The following TLR9 variants were observed in gnomAD, a reference collection of about 807,000 sequenced individuals.
The protein encoded by TLR9 is toll like receptor 9, also known as toll-like receptor 9.
TLR9 carries 19 observed loss-of-function variants against 24.6 expected under a neutral mutation model. The ratio of observed to expected loss-of-function variants is 0.77; its 90% CI spans 0.54 to 1.13. The LOEUF (loss-of-function observed/expected upper bound fraction) is 1.13. Among genes scored for constraint, TLR9 ranks in the 50% most tolerant of loss-of-function variants. The probability of loss-of-function intolerance (pLI) is 0.00; values close to 1 mark genes in which losing one functional copy is unlikely to be tolerated. For synonymous variants in TLR9, 579 were observed against 609.8 expected (o/e 0.95, Z 0.74); for missense variants, 1,065 against 1,379.6 (o/e 0.77, Z 3.61).
chr3:52,224,301 G>A lies in TLR9; in HGVS notation c.15C>T (p.Arg5=). Residue 5 remains arginine (R), a synonymous_variant, in exon 2 of 2, where the codon CGC becomes CGT. Coordinates refer to ENST00000360658, the MANE Select transcript of TLR9 (RefSeq NM_017442.4). ...GGAGAGACAGCGGGTGCAGGGCGCT[G>A]CGGCAGAAACCCTGTGGGGGTGGGA... MGFC[R]SALHPLSLLV... The A allele has an allele frequency of 6.3e-7, 1 of 1,581,444 alleles. No homozygotes were observed. Among genetic ancestry groups the A allele is most frequent in the Non-Finnish European group, 8.6e-7 (1 of 1,164,054 alleles).
rs1263799399 is a variant in TLR9 at position 52,221,595 on chromosome 3, G to A, written c.2721C>T (p.Cys907=). Reference sequence around the variant, plus strand: ...CAGGCAGCCAGTCGCGTTCCTCCAGGCACAGGCGGAGTGCCCAGCGCCCAC... The same window carrying A: ...CAGGCAGCCAGTCGCGTTCCTCCAGACACAGGCGGAGTGCCCAGCGCCCAC... The part of the protein sequence containing the change: ...ECRGRWALRL[C]LEERDWLPGK... The change falls in exon 2 of 2, where the codon TGC becomes TGT. Residue 907 remains cysteine, a synonymous_variant. Transcript: ENST00000360658. The surrounding 1 kb of genome is among the most constrained non-coding windows in gnomAD (Gnocchi z 9.9). 1.2e-6 allele frequency: 2 copies of A among 1,613,096 alleles called. No homozygotes were observed. Among genetic ancestry groups the A allele is most frequent in the East Asian group, 2.2e-5 (1 of 44,890 alleles).
Position 52,223,142 on chromosome 3 carries a change from T to C in TLR9, c.1174A>G (p.Met392Val), listed in dbSNP as rs1339105704. The C allele has an allele frequency of 1.2e-6, 2 of 1,613,980 alleles. No homozygotes were observed. The highest frequency in any genetic ancestry group is 1.7e-6 in the Non-Finnish European group (2 of 1,179,966). ...TTLRPLARLP[M>V]LQTLRLQMNF... ...ATCTGCAGACGCAGAGTCTGGAGCA[T>C]GGGCAGGCGGGCCAGTGGCCGGAGC... Residue 392 changes from methionine (M) to valine (V), a missense_variant, in exon 2 of 2, where the codon ATG (methionine) becomes GTG (valine). By Grantham distance (21) the Met-to-Val change is conservative. Coordinates refer to ENST00000360658, the MANE Select transcript of TLR9 (RefSeq NM_017442.4).
At position 52,221,943 on chromosome 3, in the gene TLR9, G is replaced by A; in HGVS notation, c.2373C>T (p.Gly791=). The A allele has an allele frequency of 1.9e-6, 3 of 1,612,104 alleles. No individual in the cohort carries two copies. Among genetic ancestry groups the A allele is most frequent in the Non-Finnish European group, 2.5e-6 (3 of 1,179,188 alleles). ...TGAGGCCCTGGAGCTGGCCCGGACTGCCACACTTCACCCGGCTGGGCAGAC... is the reference window on the plus strand; with the variant it reads ...TGAGGCCCTGGAGCTGGCCCGGACTACCACACTTCACCCGGCTGGGCAGAC... The part of the protein sequence containing the change: ...VPGLPSRVKC[G]SPGQLQGLSI... The change falls in exon 2 of 2, where the codon GGC becomes GGT. Residue 791 remains glycine, a synonymous_variant. Transcript: ENST00000360658. The surrounding 1 kb of genome is among the most constrained non-coding windows in gnomAD (Gnocchi z 9.9).
Position 52,223,800 on chromosome 3 carries a change from T to C in TLR9, c.516A>G (p.Leu172=), listed in dbSNP as rs748433400. ...TGTAATAACAGTTGCCGTCCATGAA[T>C]AGGAAGCGCAGGGCATGCAGGCCGG... ...SLAGLHALRF[L]FMDGNCYYKN... The change falls in exon 2 of 2, where the codon CTA becomes CTG. Residue 172 remains leucine (L), a synonymous_variant. Coordinates refer to ENST00000360658, the MANE Select transcript of TLR9 (RefSeq NM_017442.4). 13 of 1,592,694 alleles carry C rather than the reference T, an allele frequency of 8.2e-6. No individual in the cohort carries two copies. The highest frequency in any genetic ancestry group is 1.1e-5 in the Non-Finnish European group (13 of 1,168,174).
chr3:52,222,446 A>G lies in TLR9; in HGVS notation c.1870T>C (p.Phe624Leu). ...CAGATCAAACCGCTCAGGCCTTGGA[A>G]GAAGTGCAGATAGAGGTCTCCCTCG... The part of the protein sequence containing the change: ...WAEGDLYLHF[F>L]QGLSGLIWLD... Residue 624 changes from phenylalanine to leucine, a missense_variant, in exon 2 of 2, where the codon TTC (phenylalanine) becomes CTC (leucine). Phe to Leu is a conservative substitution (Grantham distance 22, BLOSUM62 0). Transcript: ENST00000360658. 1 of 1,614,206 alleles carries G rather than the reference A, an allele frequency of 6.2e-7. No individual in the cohort carries two copies. Among genetic ancestry groups the G allele is most frequent in the Non-Finnish European group, 8.5e-7 (1 of 1,180,046 alleles).
At position 52,222,315 on chromosome 3, in the gene TLR9, G is replaced by T. The variant is rs200974209; in HGVS notation, c.2001C>A (p.Phe667Leu). 86 of 1,614,218 alleles carry T rather than the reference G, an allele frequency of 5.3e-5. No individual in the cohort carries two copies. The highest frequency in any genetic ancestry group is 4.9e-4 in the East Asian group (22 of 44,884). ...VLRLRDNYLA[F>L]FKWWSLHFLP... ...GGAAGTGGAGGCTCCACCACTTAAA[G>T]AAGGCCAGGTAATTGTCACGGAGAC... Residue 667 changes from phenylalanine (F) to leucine (L), a missense_variant, in exon 2 of 2, where the codon TTC (phenylalanine) becomes TTA (leucine). Coordinates refer to ENST00000360658, the MANE Select transcript of TLR9 (RefSeq NM_017442.4).
At position 52,223,007 on chromosome 3, in the gene TLR9, T is replaced by C. The variant is rs751720030; in HGVS notation, c.1309A>G (p.Met437Val). 6.3e-7 allele frequency: 1 copy of C among 1,589,298 alleles called. No individual in the cohort carries two copies. The highest frequency in any genetic ancestry group is 1.1e-5 in the South Asian group (1 of 87,208). ...TTCTCCCCTCCATCTGCCTCCCCCA[T>C]GGTGGCTGTCAGCTCCGAAGCTCCG... is the stretch of plus-strand genomic sequence containing the variant. ...ISGASELTAT[M>V]GEADGGEKVW... The change falls in exon 2 of 2, where the codon ATG becomes GTG. Residue 437 changes from methionine to valine, a missense_variant. Met to Val is a conservative substitution (Grantham distance 21). Transcript: ENST00000360658.
Position 52,225,508 on chromosome 3 carries a change from C to A in TLR9, c.3+19G>T. On this transcript the variant is annotated intron_variant, in intron 1 of 1. Coordinates refer to ENST00000360658, the MANE Select transcript of TLR9 (RefSeq NM_017442.4). ...CCAGGATATCCCCTTCCCCAGGGGA[C>A]TGAGAGCTGTTGTCCTACCATGCTG... 1 of 1,593,736 alleles carries A rather than the reference C, an allele frequency of 6.3e-7. No individual in the cohort carries two copies. The highest frequency in any genetic ancestry group is 8.5e-7 in the Non-Finnish European group (1 of 1,173,398).
rs890941639 is a variant in TLR9 at position 52,224,761 on chromosome 3, G to T, written c.4-449C>A. Among the ~76,000 whole-genome samples, 4 of 152,200 alleles carry T rather than the reference G, an allele frequency of 2.6e-5. 1 individual carries two copies. The highest frequency in any genetic ancestry group is 2.6e-4 in the Admixed American group (4 of 15,284). On this transcript the variant is annotated intron_variant, in intron 1 of 1. Transcript: ENST00000360658. ...AACCCCTTCCTTTTCCTTCGGCCAA[G>T]ATTCAGGCAGGTGTGAGAGTCTCCC...
In TLR9 at chr3:52,223,319, G is replaced by A. The variant is rs749915865; in HGVS notation, c.997C>T (p.Leu333=). ...CITKTKAFQG[L]TQLRKLNLSF... ...AGGTTAAGCTTGCGCAGCTGTGTTAGGCCCTGGAAGGCCTTGGTTTTAGTG... is the reference window on the plus strand; with the variant it reads ...AGGTTAAGCTTGCGCAGCTGTGTTAAGCCCTGGAAGGCCTTGGTTTTAGTG... Residue 333 remains leucine, a synonymous_variant, in exon 2 of 2, where the codon CTA becomes TTA. Coordinates refer to ENST00000360658, the MANE Select transcript of TLR9 (RefSeq NM_017442.4). 1 of 1,614,254 alleles carries A rather than the reference G, an allele frequency of 6.2e-7. No homozygotes were observed. The highest frequency in any genetic ancestry group is 8.5e-7 in the Non-Finnish European group (1 of 1,180,052).
Position 52,225,621 on chromosome 3 carries a change from C to A in TLR9, c.-92G>T. 6.5e-7 allele frequency: 1 copy of A among 1,530,272 alleles called. No individual in the cohort carries two copies. The highest frequency in any genetic ancestry group is 2.4e-5 in the East Asian group (1 of 41,910). The allele number at this position is 1,530,272 out of a possible 1,614,324, so 94.8% of individuals were successfully genotyped here. ...GCTTCACACTCGAGGTCCCTTCCCA[C>A]AGGGGCAGCAGCGGCTCAGAGAATA... On this transcript the variant is annotated 5_prime_UTR_variant, in exon 1 of 2. Coordinates refer to ENST00000360658, the MANE Select transcript of TLR9 (RefSeq NM_017442.4).
Position 52,221,216 on chromosome 3 carries a change from G to A in TLR9, c.*1C>T. On this transcript the variant is annotated 3_prime_UTR_variant, in exon 2 of 2. Coordinates refer to ENST00000360658, the MANE Select transcript of TLR9 (RefSeq NM_017442.4). This position sits in a 1 kb window ranked among gnomAD's most constrained non-coding sequence, Gnocchi z 9.9. ...GCACCGTGCAGGATTCCGGCTCACG[G>A]CTATTCGGCCGTGGGTCCCTGGCAG... 1.3e-6 allele frequency: 2 copies of A among 1,511,856 alleles called. No individual in the cohort carries two copies. Among genetic ancestry groups the A allele is most frequent in the Non-Finnish European group, 1.8e-6 (2 of 1,130,044 alleles). 93.7% of individuals were successfully genotyped at this position (1,511,856 alleles called of 1,614,324 possible).
chr3:52,224,733 C>G (rs898823144), intron 1 of TLR9, among the ~76,000 whole-genome samples: 3 of 152,256 alleles, frequency 2.0e-5, no homozygotes, highest in Admixed American at 2.0e-4. Context: ...CCAGCCACCC[C>G]ACAACCCCTT....
Position 52,222,007 on chromosome 3 carries a change from A to G in TLR9, c.2309T>C (p.Phe770Ser). The G allele has an allele frequency of 6.2e-7, 1 of 1,608,508 alleles. No individual in the cohort carries two copies. Among genetic ancestry groups the G allele is most frequent in the Non-Finnish European group, 8.5e-7 (1 of 1,177,186 alleles). Residue 770 changes from phenylalanine to serine, a missense_variant, in exon 2 of 2, where the codon TTT (phenylalanine) becomes TCT (serine). Phe to Ser is a radical substitution (Grantham distance 155). Coordinates refer to ENST00000360658, the MANE Select transcript of TLR9 (RefSeq NM_017442.4). ...NPLHCACGAA[F>S]MDFLLEVQAA... ...CTGCACCTCCAGCAGGAAGTCCATA[A>G]AGGCCGCCCCACAGGCGCAGTGCAG... is the stretch of plus-strand genomic sequence containing the variant.
Position 52,223,687 on chromosome 3 carries a change from T to C in TLR9, c.629A>G (p.Asn210Ser). 6.3e-7 allele frequency: 1 copy of C among 1,598,468 alleles called. No individual in the cohort carries two copies. Among genetic ancestry groups the C allele is most frequent in the Non-Finnish European group, 8.5e-7 (1 of 1,171,480 alleles). The change falls in exon 2 of 2, where the codon AAC (asparagine) becomes AGC (serine). Residue 210 changes from asparagine (N) to serine (S), a missense_variant. Coordinates refer to ENST00000360658, the MANE Select transcript of TLR9 (RefSeq NM_017442.4). ...NLTHLSLKYN[N>S]LTVVPRNLPS... is the part of the protein sequence containing the mutation. ...CAGGTTGCGGGGCACCACAGTGAGG[T>C]TGTTGTACTTGAGTGACAGGTGGGT...
intron 1 of TLR9, 148 bp from the exon 2 acceptor site, chr3:52,224,460 T>C: frequency 1.5e-6 from 1 of 670,148 alleles, no homozygotes; most frequent in Non-Finnish European, 2.5e-6. Flanking sequence ...CCCATTCCCA[T>C]CCCCCATGGC....
Position 52,222,287 on chromosome 3 carries a change from G to A in TLR9, c.2029C>T (p.Pro677Ser). 1 of 1,614,182 alleles carries A rather than the reference G, an allele frequency of 6.2e-7. No homozygotes were observed. The highest frequency in any genetic ancestry group is 8.5e-7 in the Non-Finnish European group (1 of 1,180,034). The change falls in exon 2 of 2, where the codon CCC becomes TCC. Residue 677 changes from proline to serine, a missense_variant. By Grantham distance (74) the Pro-to-Ser change is moderately conservative. Transcript: ENST00000360658. ...GCCAGGTCGAGGACTTCCAGTTTGGGCAGGAAGTGGAGGCTCCACCACTTA... is the reference window on the plus strand; with the variant it reads ...GCCAGGTCGAGGACTTCCAGTTTGGACAGGAAGTGGAGGCTCCACCACTTA... ...FFKWWSLHFL[P>S]KLEVLDLAGN...
intron 1 of TLR9, among the ~76,000 whole-genome samples, chr3:52,224,797 A>C (rs1018196089): frequency 2.0e-5 from 3 of 152,208 alleles, no homozygotes; most frequent in African/African-American, 7.2e-5. Flanking sequence ...ACTATGGCCC[A>C]GGCCGGCTGC....
In TLR9 at chr3:52,223,235, C is replaced by T. The variant is rs200074687; in HGVS notation, c.1081G>A (p.Gly361Arg). Residue 361 changes from glycine (G) to arginine (R), a missense_variant, in exon 2 of 2, where the codon GGG becomes AGG. Coordinates refer to ENST00000360658, the MANE Select transcript of TLR9 (RefSeq NM_017442.4). ...FAHLSLAPSF[G>R]SLVALKELDM... ...AGCTCCTTCAGGGCGACCAGGCTCC[C>T]GAAGGAAGGGGCCAGAGACAGGTGG... 1.4e-5 allele frequency: 22 copies of T among 1,613,896 alleles called. No homozygotes were observed. Among genetic ancestry groups the T allele is most frequent in the South Asian group, 1.3e-4 (12 of 91,054 alleles).
Sources: gnomAD v4.1 joint callset for allele counts (sites outside exome capture counted in the v4.1 genomes callset) on GRCh38, gnomAD v4.1.1 for gene constraint, Gnocchi (gnomAD v3.1) non-coding constraint, MANE v1.5 for transcripts, NCBI Gene and HGNC (gene_info 2026-07-23, HGNC 2026-07-21) for gene names.